IQCM: variants seen among roughly 807,000 people sequenced by gnomAD.
The protein encoded by IQCM is IQ motif containing M, also known as IQ domain-containing protein M.
In IQCM, 45 loss-of-function variants were observed where a neutral mutation model predicts 57.6. The observed-to-expected ratio is 0.78, with a 90% confidence interval of 0.62 to 1.00. The LOEUF (loss-of-function observed/expected upper bound fraction) is 1.00, where lower values mean the gene tolerates loss of function less well. Among genes scored for constraint, IQCM ranks in the 50% least tolerant of loss-of-function variants. The pLI, the probability that IQCM is intolerant of heterozygous loss-of-function variation, is 0.00. For missense variants in IQCM, 468 were observed against 511.6 expected (o/e 0.91, Z 0.82); for synonymous variants, 148 against 158.9 (o/e 0.93, Z 0.51).
At chr4:149,362,535 T>C (rs148152941) in intron 13 of IQCM, among the ~76,000 whole-genome samples, 1 of 152,296 alleles carries the variant, frequency 6.6e-6, no homozygotes, top group African/African-American at 2.4e-5. Flanking sequence ...ATCTGATGGT[T>C]ATACCAGGGG....
chr4:149,438,153 G>C (rs928279915), intron 12 of IQCM, among the ~76,000 whole-genome samples: 13 of 152,054 alleles, frequency 8.5e-5, no homozygotes, highest in Admixed American at 6.6e-4. Flanking sequence ...GATAGAAATA[G>C]CCTAATCCTT....
intron 12 of IQCM, among the ~76,000 whole-genome samples, chr4:149,525,208 G>A (rs971885496): frequency 2.6e-5 from 4 of 151,740 alleles, no homozygotes; most frequent in African/African-American, 9.7e-5. Context: ...TCACAGACTA[G>A]CTTCATTTAT....
At chr4:149,633,022 G>A (rs71618323) in intron 7 of IQCM, among the ~76,000 whole-genome samples, 9 of 148,774 alleles carry the variant, frequency 6.0e-5, no homozygotes, top group African/African-American at 2.0e-4. Flanking sequence ...TTAGCCGGGC[G>A]CGGTGGCGGG....
chr4:149,368,829 CATGTATATATATACATATATAT>C (rs1730064187), intron 13 of IQCM, among the ~76,000 whole-genome samples: 1 of 68,958 alleles, frequency 1.5e-5, no homozygotes, highest in African/African-American at 5.7e-5. Context: ...CATATATATA[CATGTATATATATACATATATAT>C]ACATGTATAT....
At chr4:149,601,144 C>T (rs1754243373) in intron 8 of IQCM, among the ~76,000 whole-genome samples, 1 of 152,128 alleles carries the variant, frequency 6.6e-6, no homozygotes, top group Non-Finnish European at 1.5e-5. Context: ...GTTTCTCAAA[C>T]TTTAAAGTGC....
In IQCM at chr4:149,788,344, AAACAAAAAC is replaced by A. The variant is rs1040049101; in HGVS notation, c.-49+26958_-49+26966del. On this transcript the variant is annotated intron_variant, in intron 2 of 13. Transcript: ENST00000636793. ...GCAAGACTCCATCTCAAAAAACAAA[AAACAAAAAC>A]AACAAAAACATACAAATGACCAGAA... 1.1e-3 allele frequency among the ~76,000 whole-genome samples: 163 copies of A among 152,312 alleles called. 1 individual carries two copies. The highest frequency in any genetic ancestry group is 1.2e-3 in the Non-Finnish European group (79 of 68,018).
intron 3 of IQCM, 54 bp from the exon 4 acceptor site, chr4:149,735,512 T>C (rs1329228857): frequency 2.4e-5 from 19 of 778,904 alleles, no homozygotes; most frequent in Non-Finnish European, 3.1e-5. Context: ...AAGTAAATTT[T>C]ACAAGTTGAC....
chr4:149,655,047 T>C (rs552352181), intron 7 of IQCM, among the ~76,000 whole-genome samples: 39 of 152,304 alleles, frequency 2.6e-4, no homozygotes, highest in African/African-American at 9.1e-4. Flanking sequence ...ATTTCTATTA[T>C]ACACCACTGG....
chr4:149,547,916 G>A (rs1183351987), intron 12 of IQCM, among the ~76,000 whole-genome samples: 1 of 152,006 alleles, frequency 6.6e-6, no homozygotes, highest in African/African-American at 2.4e-5. Context: ...CCCCTTATTA[G>A]TCTTTAGAGA....
intron 12 of IQCM, among the ~76,000 whole-genome samples, chr4:149,467,581 A>G (rs1738992665): frequency 6.6e-6 from 1 of 152,246 alleles, no homozygotes; most frequent in South Asian, 2.1e-4. Context: ...GACCTCTTTT[A>G]AAAGGTAAGG....
intron 13 of IQCM, among the ~76,000 whole-genome samples, chr4:149,353,096 C>G (rs1344433481): frequency 6.6e-6 from 1 of 152,014 alleles, no homozygotes; most frequent in African/African-American, 2.4e-5. Context: ...CTTATAACAA[C>G]AAGATTAAAT....
intron 7 of IQCM, among the ~76,000 whole-genome samples, chr4:149,639,700 C>T (rs1163137673): frequency 6.6e-6 from 1 of 151,992 alleles, no homozygotes; most frequent in African/African-American, 2.4e-5. Flanking sequence ...GTGGGTAGAA[C>T]ACTTGATCCC....
chr4:149,660,215 A>G (rs945467996), intron 7 of IQCM, among the ~76,000 whole-genome samples: 3 of 151,280 alleles, frequency 2.0e-5, no homozygotes, highest in Admixed American at 6.6e-5. Context: ...TATGCAGCCA[A>G]AAAACACATG....
chr4:149,676,207 T>C (rs556071354), intron 7 of IQCM, among the ~76,000 whole-genome samples: 1 of 152,014 alleles, frequency 6.6e-6, no homozygotes, highest in Admixed American at 6.6e-5. Context: ...ACAGTGACAA[T>C]AGCAAAAATA....
intron 12 of IQCM, among the ~76,000 whole-genome samples, chr4:149,457,214 T>C (rs937209431): frequency 3.9e-5 from 6 of 152,120 alleles, no homozygotes; most frequent in African/African-American, 1.4e-4. Context: ...AGAAACTTTC[T>C]CTGCTTTGGG....
intron 7 of IQCM, among the ~76,000 whole-genome samples, chr4:149,657,917 T>C (rs1759779524): frequency 6.6e-6 from 1 of 152,090 alleles, no homozygotes; most frequent in Non-Finnish European, 1.5e-5. Context: ...AGATATATAG[T>C]TTGCAAATAC....
intron 7 of IQCM, among the ~76,000 whole-genome samples, chr4:149,666,416 T>C (rs1760729078): frequency 6.6e-6 from 1 of 152,128 alleles, no homozygotes; most frequent in African/African-American, 2.4e-5. Context: ...GCTTTTCCCA[T>C]GGTCTTTGCA....
At chr4:149,726,070 TAAAA>T (rs1765866391) in intron 5 of IQCM, among the ~76,000 whole-genome samples, 2 of 55,584 alleles carry the variant, frequency 3.6e-5, no homozygotes, top group East Asian at 5.5e-4. Context: ...CTCTTCCCTC[TAAAA>T]GAAAGAAAGA....
At chr4:149,769,230 C>A (rs549748464) in intron 2 of IQCM, among the ~76,000 whole-genome samples, 56 of 151,996 alleles carry the variant, frequency 3.7e-4, no homozygotes, top group African/African-American at 1.3e-3. Flanking sequence ...TCTTCCATAC[C>A]CATGAATTCA....
Sources: allele counts gnomAD v4.1 joint callset (sites outside exome capture counted in the v4.1 genomes callset), GRCh38; gene constraint gnomAD v4.1.1; transcripts MANE v1.5; gene names NCBI Gene and HGNC (gene_info 2026-07-23, HGNC 2026-07-21).